The following ESRRG variants were observed in gnomAD, a reference collection of about 807,000 sequenced individuals.
The protein encoded by ESRRG is estrogen related receptor gamma.
Under a neutral mutation model 44.0 loss-of-function variants are expected in ESRRG, and 13 were observed. The ratio of observed to expected loss-of-function variants is 0.30; its 90% CI spans 0.19 to 0.47. ESRRG has a LOEUF of 0.47. ESRRG is among the 20% of genes least tolerant of loss of function. The probability of loss-of-function intolerance (pLI) is 1.00; values close to 1 mark genes in which losing one functional copy is unlikely to be tolerated. For missense variants in ESRRG, 395 were observed against 580.6 expected (o/e 0.68, Z 3.29); for synonymous variants, 215 against 214.6 (o/e 1.00, Z -0.02).
chr1:216,557,749 C>T (rs949963865), intron 5 of ESRRG, among the ~76,000 whole-genome samples: 1 of 152,114 alleles, frequency 6.6e-6, no homozygotes, highest in African/African-American at 2.4e-5. Context: ...TGTATGCACA[C>T]ACATGTATAT....
intron 5 of ESRRG, among the ~76,000 whole-genome samples, chr1:216,561,802 G>A (rs531308104): frequency 5.9e-5 from 9 of 152,130 alleles, no homozygotes; most frequent in Admixed American, 2.6e-4. Flanking sequence ...CAGGTATCAC[G>A]AAAATCAGAG....
intron 2 of ESRRG, among the ~76,000 whole-genome samples, chr1:216,771,530 T>G (rs536190067): frequency 6.6e-6 from 1 of 152,230 alleles, no homozygotes; most frequent in African/African-American, 2.4e-5. Flanking sequence ...TTTGTCAAAA[T>G]TTTGTAACTG....
At chr1:217,132,920 T>C (rs1361909404) in intron 1 of ESRRG, among the ~76,000 whole-genome samples, 1 of 152,210 alleles carries the variant, frequency 6.6e-6, no homozygotes, top group Non-Finnish European at 1.5e-5. Flanking sequence ...GGCCTCTCCG[T>C]TCTCTGTCAC....
chr1:217,043,930 GA>G (rs1008630711), intron 1 of ESRRG, among the ~76,000 whole-genome samples: 35 of 137,714 alleles, frequency 2.5e-4, no homozygotes, highest in South Asian at 4.6e-4. Flanking sequence ...CTGAAGAAAA[GA>G]AAAAAAAAAC....
At chr1:216,583,962 C>T (rs1384887623) in intron 3 of ESRRG, among the ~76,000 whole-genome samples, 1 of 152,096 alleles carries the variant, frequency 6.6e-6, no homozygotes, top group East Asian at 1.9e-4. Context: ...AATTGGTTCC[C>T]ACTGGTTGCC....
intron 2 of ESRRG, among the ~76,000 whole-genome samples, chr1:216,754,615 G>A (rs1238963101): frequency 6.6e-6 from 1 of 151,472 alleles, no homozygotes; most frequent in African/African-American, 2.4e-5. Context: ...CAGCCGCCGG[G>A]CTCTATTTAT....
intron 1 of ESRRG, among the ~76,000 whole-genome samples, chr1:216,983,936 T>C (rs967437244): frequency 2.0e-5 from 3 of 151,500 alleles, no homozygotes; most frequent in Non-Finnish European, 4.4e-5. Context: ...AATATCCTTA[T>C]AACCTGCAAT....
intron 1 of ESRRG, among the ~76,000 whole-genome samples, chr1:216,714,336 T>C (rs557268831): frequency 6.6e-6 from 1 of 152,078 alleles, no homozygotes; most frequent in Admixed American, 6.6e-5. Context: ...ATAAAACAGA[T>C]GAATAGAAAC....
At chr1:216,841,819 T>G (rs1476701532) in intron 2 of ESRRG, among the ~76,000 whole-genome samples, 1 of 152,140 alleles carries the variant, frequency 6.6e-6, no homozygotes, top group Non-Finnish European at 1.5e-5. Flanking sequence ...GAGCAATCTT[T>G]ACTTCCTCAT....
chr1:216,755,235 T>G (rs2152315060), intron 2 of ESRRG, among the ~76,000 whole-genome samples: 1 of 152,088 alleles, frequency 6.6e-6, no homozygotes, highest in African/African-American at 2.4e-5. Context: ...TTTCCTGAAT[T>G]ATGGTTTTAT....
chr1:216,544,544 AT>A (rs756328185), intron 5 of ESRRG, among the ~76,000 whole-genome samples: 4 of 151,856 alleles, frequency 2.6e-5, no homozygotes, highest in Non-Finnish European at 5.9e-5. Context: ...TGCGTTTCAT[AT>A]TTTTTCATGC....
chr1:216,523,185 G>A (rs1335309179), intron 5 of ESRRG, among the ~76,000 whole-genome samples: 1 of 152,066 alleles, frequency 6.6e-6, no homozygotes, highest in African/African-American at 2.4e-5. Context: ...TGACAACTCG[G>A]ATCTCTCTTC....
chr1:216,957,879 T>G (rs1019294348), intron 1 of ESRRG, among the ~76,000 whole-genome samples: 1 of 152,192 alleles, frequency 6.6e-6, no homozygotes, highest in African/African-American at 2.4e-5. Flanking sequence ...TAAAACCATC[T>G]CCACCAAGTT....
intron 1 of ESRRG, among the ~76,000 whole-genome samples, chr1:216,948,212 G>C (rs2066371878): frequency 6.6e-6 from 1 of 152,016 alleles, no homozygotes; most frequent in Non-Finnish European, 1.5e-5. Context: ...CCTCCCACCA[G>C]CTACTATGAT....
chr1:217,022,116 T>A (rs371055039), intron 1 of ESRRG, among the ~76,000 whole-genome samples: 2 of 152,200 alleles, frequency 1.3e-5, no homozygotes, highest in African/African-American at 4.8e-5. Context: ...GTTTATTGGT[T>A]AAGGAAAAAA....
At chr1:216,520,670 A>C (rs2045814345) in intron 5 of ESRRG, among the ~76,000 whole-genome samples, 1 of 152,178 alleles carries the variant, frequency 6.6e-6, no homozygotes, top group Non-Finnish European at 1.5e-5. Context: ...TTCTAAGGGT[A>C]ACCATCCACC....
intron 1 of ESRRG, among the ~76,000 whole-genome samples, chr1:217,095,334 C>T (rs538011221): frequency 1.3e-5 from 2 of 152,236 alleles, no homozygotes; most frequent in Admixed American, 1.3e-4. Flanking sequence ...GAAAATGAAC[C>T]AGCCTTTTAG....
intron 1 of ESRRG, among the ~76,000 whole-genome samples, chr1:216,996,068 TA>T: frequency 6.6e-6 from 1 of 152,302 alleles, no homozygotes; most frequent in Non-Finnish European, 1.5e-5. Flanking sequence ...ATCCCCTTGC[TA>T]AAAGAGTTTT....
chr1:216,677,017 A>C, intron 2 of ESRRG, 59 bp downstream of exon 2: 1 of 1,346,680 alleles, frequency 7.4e-7, no homozygotes, highest in Non-Finnish European at 1.0e-6. Context: ...ATAAGGAAAA[A>C]CAAAAACCCA....
Sources: gnomAD v4.1 joint callset for allele counts (sites outside exome capture counted in the v4.1 genomes callset) on GRCh38, gnomAD v4.1.1 for gene constraint, MANE v1.5 for transcripts, NCBI Gene and HGNC (gene_info 2026-07-23, HGNC 2026-07-21) for gene names.